Variants in CFI observed in about 807,000 individuals in gnomAD.
CFI encodes the protein C3B/C4B inactivator.
Under a neutral mutation model 78.8 loss-of-function variants are expected in CFI, and 66 were observed. The ratio of observed to expected loss-of-function variants is 0.84; its 90% CI spans 0.69 to 1.03. The LOEUF (loss-of-function observed/expected upper bound fraction) is 1.03, where lower values mean the gene tolerates loss of function less well. Among genes scored for constraint, CFI ranks in the 50% least tolerant of loss-of-function variants. The pLI is 0.00. For synonymous variants in CFI, 250 were observed against 232.6 expected (o/e 1.07, Z -0.68); for missense variants, 706 against 704.5 (o/e 1.00, Z -0.02).
At chr4:109,776,316 T>C (rs183691109) in intron 1 of CFI, among the ~76,000 whole-genome samples, 292 of 152,246 alleles carry the variant, frequency 1.9e-3, no homozygotes, top group Non-Finnish European at 3.0e-3. Flanking sequence ...CAAGAACTAT[T>C]TGATGCATGC....
intron 12 of CFI, 187 bp from the exon 13 acceptor site, chr4:109,741,297 C>A: frequency 1.0e-6 from 1 of 985,406 alleles, no homozygotes; most frequent in Non-Finnish European, 1.2e-6. Context: ...AAATTCTTTA[C>A]GAGTCTTCTA....
intron 1 of CFI, among the ~76,000 whole-genome samples, chr4:109,800,319 CTGT>C (rs1732609470): frequency 2.0e-5 from 2 of 102,116 alleles, no homozygotes; most frequent in African/African-American, 7.9e-5. Context: ...TTTGGCTTCT[CTGT>C]TTTTTTTTTT....
chr4:109,751,452 T>TA (rs1725127416), intron 8 of CFI, among the ~76,000 whole-genome samples: 1 of 146,338 alleles, frequency 6.8e-6, no homozygotes, highest in Middle Eastern at 3.2e-3. Flanking sequence ...TTTTTTTTTT[T>TA]TTTTTTTGAG....
intron 7 of CFI, among the ~76,000 whole-genome samples, chr4:109,753,982 A>AATATAT (rs1030789184): frequency 2.1e-5 from 3 of 144,142 alleles, no homozygotes; most frequent in African/African-American, 7.6e-5. Context: ...TGTATTTTAA[A>AATATAT]ATATATATAT....
chr4:109,767,042 A>G (rs1168190000), intron 1 of CFI, among the ~76,000 whole-genome samples: 1 of 152,218 alleles, frequency 6.6e-6, no homozygotes, highest in Non-Finnish European at 1.5e-5. Flanking sequence ...AGGATTCCCT[A>G]TTTGATAAAT....
In CFI at chr4:109,766,816, A is replaced by T; in HGVS notation, c.66T>A (p.Tyr22Ter). 6.2e-7 allele frequency: 1 copy of T among 1,614,192 alleles called. No homozygotes were observed. The highest frequency in any genetic ancestry group is 8.5e-7 in the Non-Finnish European group (1 of 1,180,030). The change falls in exon 2 of 13, where the codon TAT becomes TAA. Residue 22 changes from tyrosine (Y) to a stop codon, truncating the protein, a stop_gained. Coordinates refer to ENST00000394634, the MANE Select transcript of CFI (RefSeq NM_000204.5). LOFTEE classifies it high-confidence loss of function. ...TCTCCACCAGATCCTCTTGAGATGT[A>T]TAAGTGACCTGTAAAATGCAAAATA... ...CFHLRFCKVT[Y>*]TSQEDLVEKK...
the CFI span, among the ~76,000 whole-genome samples, chr4:109,734,731 G>A: frequency 6.6e-5 from 10 of 152,070 alleles, no homozygotes; most frequent in Admixed American, 2.6e-4. Context: ...TTGAACCTAG[G>A]AGGTGGAGGT....
chr4:109,739,187 G>C (rs1579145131), downstream of CFI, among the ~76,000 whole-genome samples: 1 of 152,044 alleles, frequency 6.6e-6, no homozygotes, highest in East Asian at 1.9e-4. Flanking sequence ...AATCAGTAGG[G>C]ATCTATCCAA....
chr4:109,757,636 C>G, intron 7 of CFI, 127 bp downstream of exon 7: 1 of 637,118 alleles, frequency 1.6e-6, no homozygotes, highest in Non-Finnish European at 2.7e-6. Flanking sequence ...AACTAATGTT[C>G]AGGCTGGGTT....
At chr4:109,737,112 A>T (rs1723417369), downstream of CFI, among the ~76,000 whole-genome samples, 1 of 152,082 alleles carries the variant, frequency 6.6e-6, no homozygotes, top group South Asian at 2.1e-4. Context: ...TTACTCCAAG[A>T]GTGTCTTAAC....
intron 1 of CFI, among the ~76,000 whole-genome samples, chr4:109,780,798 C>A (rs1042235922): frequency 7.2e-5 from 11 of 152,272 alleles, no homozygotes; most frequent in Middle Eastern, 3.4e-3. Flanking sequence ...ACATATACAC[C>A]ATGGAATACT....
intron 1 of CFI, among the ~76,000 whole-genome samples, chr4:109,800,321 GTTTTTTTTTTTTT>G (rs554145445): frequency 1.2e-4 from 6 of 48,808 alleles, no homozygotes; most frequent in East Asian, 7.5e-4. Context: ...TGGCTTCTCT[GTTTTTTTTTTTTT>G]TTTTTTTTTT....
Position 109,775,714 on chromosome 4 carries a change from C to T in CFI, c.58-8890G>A, listed in dbSNP as rs555864530. On this transcript the variant is annotated intron_variant, in intron 1 of 12. Coordinates refer to ENST00000394634, the MANE Select transcript of CFI (RefSeq NM_000204.5). ...CAGACTGCCTCAAGTGGGTTCATGACCCCCGAGTAGCCTAAATGGGAGACA... is the reference window on the plus strand; with the variant it reads ...CAGACTGCCTCAAGTGGGTTCATGATCCCCGAGTAGCCTAAATGGGAGACA... Among the ~76,000 whole-genome samples the T allele has an allele frequency of 7.9e-5, 12 of 152,310 alleles. No individual in the cohort carries two copies. The South Asian group carries it at 2.3e-3, about 29-fold the overall frequency.
At chr4:109,780,513 A>C (rs1326683259) in intron 1 of CFI, among the ~76,000 whole-genome samples, 1 of 152,170 alleles carries the variant, frequency 6.6e-6, no homozygotes, top group Non-Finnish European at 1.5e-5. Flanking sequence ...GCTGGAGAGG[A>C]TATGGAGAAA....
intron 1 of CFI, among the ~76,000 whole-genome samples, chr4:109,798,508 G>GT (rs35617864): frequency 0.14 from 10,174 of 74,734 alleles, 403 homozygotes; most frequent in Non-Finnish European, 0.22. Flanking sequence ...TCAATAAAGT[G>GT]TTTTTTTTTT....
intron 1 of CFI, among the ~76,000 whole-genome samples, chr4:109,791,405 G>C (rs959481153): frequency 6.6e-6 from 1 of 151,804 alleles, no homozygotes; most frequent in Non-Finnish European, 1.5e-5. Flanking sequence ...TGTTCACTCT[G>C]CTGATAATTT....
At position 109,768,278 on chromosome 4, in the gene CFI, CAAA is replaced by C. The variant is rs59449659; in HGVS notation, c.58-1457_58-1455del. On this transcript the variant is annotated intron_variant, in intron 1 of 12. Transcript: ENST00000394634. Reference sequence around the variant, plus strand: ...GCACATGCACCTAAAACTTAAAGTACAAAAAAAAAAAAAAAAAAGAATGGTATG... The same window carrying C: ...GCACATGCACCTAAAACTTAAAGTACAAAAAAAAAAAAAAAGAATGGTATG... 1.9e-3 allele frequency among the ~76,000 whole-genome samples: 165 copies of C among 87,106 alleles called. 1 individual carries two copies. Among genetic ancestry groups the C allele is most frequent in the African/African-American group, 3.2e-3 (70 of 22,102 alleles). 57.1% of individuals were successfully genotyped at this position (87,106 alleles called of 152,430 possible).
At chr4:109,762,567 T>C (rs1391356676) in intron 3 of CFI, 7 of 152,004 alleles carry the variant, frequency 4.6e-5, no homozygotes, top group Non-Finnish European at 1.0e-4. Context: ...AAATAAAAAA[T>C]TGAGCAAAGA....
chr4:109,735,045 G>T, the CFI span, among the ~76,000 whole-genome samples: 1 of 152,016 alleles, frequency 6.6e-6, no homozygotes, highest in Non-Finnish European at 1.5e-5. Context: ...TCGAACTCTT[G>T]GGCTTAAGCA....
Sources: allele counts gnomAD v4.1 joint callset (sites outside exome capture counted in the v4.1 genomes callset), GRCh38; gene constraint gnomAD v4.1.1; transcripts MANE v1.5; gene names NCBI Gene and HGNC (gene_info 2026-07-23, HGNC 2026-07-21).